The following METTL25 variants were observed in gnomAD, a reference collection of about 807,000 sequenced individuals.
METTL25 encodes methyltransferase like 25, also known as probable methyltransferase-like protein 25.
METTL25 carries 64 observed loss-of-function variants against 71.6 expected under a neutral mutation model. That is an observed-to-expected ratio of 0.89 (90% CI 0.73 to 1.10). METTL25 has a LOEUF of 1.10. Ranked by LOEUF, METTL25 falls within the 50% of genes least tolerant of loss-of-function variation. METTL25 has a pLI of 0.00. For synonymous variants in METTL25, 287 were observed against 250.3 expected (o/e 1.15, Z -1.38); for missense variants, 807 against 707.0 (o/e 1.14, Z -1.60).
intron 3 of METTL25, among the ~76,000 whole-genome samples, chr12:82,391,692 G>A (rs932365910): frequency 1.3e-5 from 2 of 149,170 alleles, no homozygotes; most frequent in Admixed American, 6.7e-5. Flanking sequence ...ATAAACATGA[G>A]TGTCCAGATA....
chr12:82,398,694 T>C, intron 3 of METTL25, 101 bp from the exon 4 acceptor site: 1 of 675,242 alleles, frequency 1.5e-6, no homozygotes, highest in Non-Finnish European at 2.1e-6. Flanking sequence ...TAAAATAATA[T>C]TTAAGTTATA....
At position 82,416,202 on chromosome 12, in the gene METTL25, C is replaced by G. The variant is rs926605244; in HGVS notation, c.1279+13072C>G. On this transcript the variant is annotated intron_variant, in intron 5 of 11. Coordinates refer to ENST00000248306, the MANE Select transcript of METTL25 (RefSeq NM_032230.3). ...TGAATTCTAGAATCGTTAAGTATCT[C>G]CTTTACAATTTGAATCATTGTTGAC... is the stretch of plus-strand genomic sequence containing the variant. Among the ~76,000 whole-genome samples the G allele has an allele frequency of 3.3e-5, 5 of 152,128 alleles. No homozygotes were observed. The East Asian group carries it at 9.7e-4, about 29-fold the overall frequency.
chr12:82,444,009 G>A (rs1890556604), intron 8 of METTL25, among the ~76,000 whole-genome samples: 1 of 152,150 alleles, frequency 6.6e-6, no homozygotes, highest in African/African-American at 2.4e-5. Context: ...GCAGAGGATA[G>A]AGAGCTTATT....
Position 82,358,825 on chromosome 12 carries a change from G to A in METTL25, c.259+1G>A, listed in dbSNP as rs1251252781. On this transcript the variant is annotated splice_donor_variant, in intron 1 of 11. Coordinates refer to ENST00000248306, the MANE Select transcript of METTL25 (RefSeq NM_032230.3). LOFTEE classifies it high-confidence loss of function. ...CTAGTGGAAGCAGAGTGGGAAGCAG[G>A]TGGGTGGTGGGGTAGGCGGGGCGGG... 1 of 1,609,364 alleles carries A rather than the reference G, an allele frequency of 6.2e-7. No individual in the cohort carries two copies. Among genetic ancestry groups the A allele is most frequent in the Non-Finnish European group, 8.5e-7 (1 of 1,177,140 alleles).
chr12:82,407,848 C>T, intron 5 of METTL25: 1 of 985,338 alleles, frequency 1.0e-6, no homozygotes, highest in Non-Finnish European at 1.2e-6. Flanking sequence ...CACATTTTCT[C>T]ATCTCAAAAA....
At chr12:82,449,618 TTTC>T (rs1331997082) in intron 8 of METTL25, among the ~76,000 whole-genome samples, 9 of 152,140 alleles carry the variant, frequency 5.9e-5, no homozygotes, top group African/African-American at 1.9e-4. Context: ...CTTTCCTCCT[TTTC>T]TTCTTTTTCT....
In METTL25 at chr12:82,386,916, C is replaced by G; in HGVS notation, c.373C>G (p.Pro125Ala). ...YSVQNLGICT[P>A]FEQLLVALRG... Reference sequence around the variant, plus strand: ...TGTACAAAACTTGGGAATATGTACTCCTTTTGAACAGTTGCTTGTAGCCCT... The same window carrying G: ...TGTACAAAACTTGGGAATATGTACTGCTTTTGAACAGTTGCTTGTAGCCCT... The change falls in exon 2 of 12, where the codon CCT becomes GCT. Residue 125 changes from proline to alanine, a missense_variant. Physicochemically the swap from Pro to Ala is conservative, Grantham distance 27. Coordinates refer to ENST00000248306, the MANE Select transcript of METTL25 (RefSeq NM_032230.3). 2 of 1,613,356 alleles carry G rather than the reference C, an allele frequency of 1.2e-6. No homozygotes were observed. The highest frequency in any genetic ancestry group is 2.2e-5 in the South Asian group (2 of 91,034).
intron 5 of METTL25, among the ~76,000 whole-genome samples, chr12:82,420,197 T>C (rs1193764946): frequency 6.6e-6 from 1 of 151,812 alleles, no homozygotes; most frequent in Non-Finnish European, 1.5e-5. Context: ...GGGAGAGAAA[T>C]AGGGAAGTAT....
At chr12:82,379,336 A>G (rs1265889424) in intron 1 of METTL25, among the ~76,000 whole-genome samples, 1 of 152,228 alleles carries the variant, frequency 6.6e-6, no homozygotes, top group Non-Finnish European at 1.5e-5. Flanking sequence ...TATTTTTAGT[A>G]TACTTTACAT....
chr12:82,396,019 T>C (rs552850975), intron 3 of METTL25, among the ~76,000 whole-genome samples: 82 of 152,216 alleles, frequency 5.4e-4, no homozygotes, highest in African/African-American at 1.8e-3. Flanking sequence ...TATAAGATGG[T>C]AGTGCCATAA....
At chr12:82,430,854 A>G (rs765197906) in intron 5 of METTL25, 39 bp from the exon 6 acceptor site, 3 of 1,097,158 alleles carry the variant, frequency 2.7e-6, no homozygotes, top group Non-Finnish European at 4.0e-6. Flanking sequence ...AAAAGAAAGA[A>G]TTTTATTTAA....
intron 9 of METTL25, among the ~76,000 whole-genome samples, chr12:82,470,194 T>C (rs1892488237): frequency 6.6e-6 from 1 of 152,210 alleles, no homozygotes; most frequent in African/African-American, 2.4e-5. Context: ...TGATTATTTC[T>C]TATTTCTATA....
At chr12:82,395,774 T>C (rs1286358390) in intron 3 of METTL25, among the ~76,000 whole-genome samples, 2 of 152,030 alleles carry the variant, frequency 1.3e-5, no homozygotes, top group Non-Finnish European at 2.9e-5. Flanking sequence ...CTATAATGTA[T>C]GGCATATGAT....
intron 9 of METTL25, among the ~76,000 whole-genome samples, chr12:82,472,294 T>C (rs1443766095): frequency 2.6e-5 from 4 of 152,182 alleles, no homozygotes; most frequent in Non-Finnish European, 5.9e-5. Context: ...TTTTGTTTTT[T>C]TCGTTTTGAA....
chr12:82,438,533 T>A, intron 7 of METTL25, 185 bp from the exon 8 acceptor site: 4 of 274,316 alleles, frequency 1.5e-5, no homozygotes, highest in African/African-American at 2.2e-5. Flanking sequence ...TTTTTCAGAA[T>A]TACTTTCACA....
chr12:82,371,742 T>A (rs1479046355), intron 1 of METTL25, among the ~76,000 whole-genome samples: 1 of 152,172 alleles, frequency 6.6e-6, no homozygotes, highest in Admixed American at 6.5e-5. Context: ...CAATTGACCC[T>A]CAAGTGAGCC....
chr12:82,437,089 C>G (rs1889976754), intron 7 of METTL25, among the ~76,000 whole-genome samples: 1 of 151,510 alleles, frequency 6.6e-6, no homozygotes, highest in South Asian at 2.1e-4. Context: ...ATGAGAAAAT[C>G]TCAAATGGAA....
At chr12:82,477,648 T>A (rs1892955210) in intron 11 of METTL25, among the ~76,000 whole-genome samples, 1 of 151,798 alleles carries the variant, frequency 6.6e-6, no homozygotes, top group Non-Finnish European at 1.5e-5. Flanking sequence ...TAGCTGAAAT[T>A]TATAAAGGCT....
At chr12:82,422,400 AAAT>A (rs1391360661) in intron 5 of METTL25, among the ~76,000 whole-genome samples, 1 of 152,156 alleles carries the variant, frequency 6.6e-6, no homozygotes, top group Non-Finnish European at 1.5e-5. Flanking sequence ...ACGTATTTAA[AAAT>A]AATGAGCTAT....
Sources: allele counts gnomAD v4.1 joint callset (sites outside exome capture counted in the v4.1 genomes callset), GRCh38; gene constraint gnomAD v4.1.1; transcripts MANE v1.5; gene names NCBI Gene and HGNC (gene_info 2026-07-23, HGNC 2026-07-21).